Variants in AUTS2 observed in about 807,000 individuals in gnomAD.
AUTS2 encodes activator of transcription and developmental regulator AUTS2, also known as autism susceptibility gene 2 protein.
A neutral mutation model predicts 112.4 loss-of-function variants in AUTS2; 17 were observed. That is an observed-to-expected ratio of 0.15 (90% CI 0.10 to 0.23). The LOEUF is 0.23. Ranked by LOEUF, AUTS2 falls within the 10% of genes least tolerant of loss-of-function variation. The pLI is 1.00. For missense variants in AUTS2, 1,510 were observed against 1,701.6 expected (o/e 0.89, Z 1.98); for synonymous variants, 751 against 702.7 (o/e 1.07, Z -1.09).
intron 1 of AUTS2, among the ~76,000 whole-genome samples, chr7:69,824,245 C>T (rs1421139485): frequency 6.6e-6 from 1 of 151,986 alleles, no homozygotes; most frequent in Non-Finnish European, 1.5e-5. Flanking sequence ...AACCCCATCT[C>T]TACTAAAAAT....
intron 2 of AUTS2, among the ~76,000 whole-genome samples, chr7:70,113,558 A>T (rs1805199289): frequency 1.3e-5 from 2 of 152,214 alleles, no homozygotes; most frequent in African/African-American, 4.8e-5. Context: ...CATAGAGTTC[A>T]TTTACATTCC....
intron 1 of AUTS2, among the ~76,000 whole-genome samples, chr7:69,732,242 G>A (rs1233881019): frequency 6.6e-6 from 1 of 151,914 alleles, no homozygotes; most frequent in African/African-American, 2.4e-5. Flanking sequence ...CCTCCCCTTT[G>A]GTATTCATTA....
chr7:69,734,365 T>A (rs77060489), intron 1 of AUTS2, among the ~76,000 whole-genome samples: 5 of 150,630 alleles, frequency 3.3e-5, no homozygotes, highest in African/African-American at 9.8e-5. Flanking sequence ...TTTTTTTTTT[T>A]AATGTCTTAG....
chr7:69,684,255 C>T (rs1796955320), intron 1 of AUTS2, among the ~76,000 whole-genome samples: 1 of 152,168 alleles, frequency 6.6e-6, no homozygotes, highest in Non-Finnish European at 1.5e-5. Flanking sequence ...GTGAGGTAGA[C>T]TGCCCCTTCC....
intron 1 of AUTS2, among the ~76,000 whole-genome samples, chr7:69,660,232 C>T (rs181990042): frequency 9.8e-5 from 15 of 152,348 alleles, no homozygotes; most frequent in Non-Finnish European, 2.2e-4. Flanking sequence ...CACCTGCTTT[C>T]TCCCTTCCTG....
chr7:70,227,345 T>G (rs907471307), intron 4 of AUTS2, among the ~76,000 whole-genome samples: 1 of 151,948 alleles, frequency 6.6e-6, no homozygotes, highest in South Asian at 2.1e-4. Flanking sequence ...TTTAAAGGTT[T>G]TAAAAACGTT....
chr7:70,377,335 T>A (rs1287852828), intron 4 of AUTS2, among the ~76,000 whole-genome samples: 3 of 49,014 alleles, frequency 6.1e-5, no homozygotes, highest in Non-Finnish European at 1.2e-4. Context: ...AATATATATA[T>A]ATATATATAT....
intron 4 of AUTS2, among the ~76,000 whole-genome samples, chr7:70,381,308 A>G (rs1793357824): frequency 1.3e-5 from 2 of 152,226 alleles, no homozygotes; most frequent in African/African-American, 4.8e-5. Flanking sequence ...GACATGTCTT[A>G]TATCTTGATT....
chr7:69,897,862 C>T (rs1179664822), intron 1 of AUTS2, among the ~76,000 whole-genome samples: 1 of 151,978 alleles, frequency 6.6e-6, no homozygotes, highest in African/African-American at 2.4e-5. Context: ...TCAGGGAGTA[C>T]CATGCATGTA....
chr7:69,699,216 A>T (rs976061993), intron 1 of AUTS2, among the ~76,000 whole-genome samples: 1 of 152,180 alleles, frequency 6.6e-6, no homozygotes. Context: ...TGAGTAGGTA[A>T]TATATTAATA....
intron 1 of AUTS2, among the ~76,000 whole-genome samples, chr7:69,725,119 A>C (rs1233492578): frequency 1.3e-5 from 2 of 152,152 alleles, no homozygotes; most frequent in Non-Finnish European, 1.5e-5. Flanking sequence ...TAGTCACCCC[A>C]TCCTCTGGCC....
chr7:70,192,427 G>A (rs908265065), intron 4 of AUTS2, among the ~76,000 whole-genome samples: 12 of 152,198 alleles, frequency 7.9e-5, no homozygotes, highest in South Asian at 4.1e-4. Flanking sequence ...AAAGTTTTAC[G>A]GTTTTCCTTT....
chr7:70,156,468 T>C (rs959636277), intron 4 of AUTS2, among the ~76,000 whole-genome samples: 2 of 152,084 alleles, frequency 1.3e-5, no homozygotes, highest in African/African-American at 2.4e-5. Flanking sequence ...TTTTGCATCT[T>C]CCTGAGCTCA....
rs537961592 is a variant in AUTS2, at chr7:69,619,327, T to C, written c.309+19365T>C. 1.6e-3 allele frequency among the ~76,000 whole-genome samples: 244 copies of C among 152,124 alleles called. 1 individual carries two copies. The highest frequency in any genetic ancestry group is 5.7e-3 in the African/African-American group (235 of 41,484). On this transcript the variant is annotated intron_variant, in intron 1 of 18. Coordinates refer to ENST00000342771, the MANE Select transcript of AUTS2 (RefSeq NM_015570.4). ...GAGAGGGGACTAAGAAATTCAGAAG[T>C]ATTGGGAGCTACTGTCTGTTGAAAG... is the stretch of plus-strand genomic sequence containing the variant.
intron 4 of AUTS2, among the ~76,000 whole-genome samples, chr7:70,331,800 G>A (rs1790764614): frequency 6.6e-6 from 1 of 152,048 alleles, no homozygotes; most frequent in Non-Finnish European, 1.5e-5. Flanking sequence ...CAATAAACTA[G>A]GTATTGATTT....
At chr7:69,784,576 ATTTC>A (rs1429160863) in intron 1 of AUTS2, among the ~76,000 whole-genome samples, 14 of 152,150 alleles carry the variant, frequency 9.2e-5, no homozygotes, top group Admixed American at 9.2e-4. Context: ...CAAATCTGTT[ATTTC>A]TTTAAGAGGA....
At chr7:70,375,826 G>A (rs1408678671) in intron 4 of AUTS2, among the ~76,000 whole-genome samples, 1 of 152,014 alleles carries the variant, frequency 6.6e-6, no homozygotes, top group Non-Finnish European at 1.5e-5. Context: ...GCCTACCTAA[G>A]TCTGTCTTTC....
intron 5 of AUTS2, among the ~76,000 whole-genome samples, chr7:70,509,917 A>G (rs1055878651): frequency 2.0e-5 from 3 of 152,206 alleles, no homozygotes; most frequent in Non-Finnish European, 2.9e-5. Flanking sequence ...TCTTACATCA[A>G]CTTCATTTTC....
intron 4 of AUTS2, among the ~76,000 whole-genome samples, chr7:70,408,153 C>T (rs1038728967): frequency 6.6e-6 from 1 of 151,384 alleles, no homozygotes; most frequent in African/African-American, 2.4e-5. Context: ...TGCACTCCCA[C>T]CTGGGTGACA....
Sources: allele counts gnomAD v4.1 joint callset (sites outside exome capture counted in the v4.1 genomes callset), GRCh38; gene constraint gnomAD v4.1.1; transcripts MANE v1.5; gene names NCBI Gene and HGNC (gene_info 2026-07-23, HGNC 2026-07-21).